UNC13B: variants seen among roughly 807,000 people sequenced by gnomAD.
The protein encoded by UNC13B is protein unc-13 homolog B.
Under a neutral mutation model 211.0 loss-of-function variants are expected in UNC13B, and 144 were observed. The ratio of observed to expected loss-of-function variants is 0.68; its 90% CI spans 0.60 to 0.78. The LOEUF (loss-of-function observed/expected upper bound fraction) is 0.78, where lower values mean the gene tolerates loss of function less well. UNC13B is among the 30% of genes least tolerant of loss of function. UNC13B has a pLI of 0.00. For missense variants in UNC13B, 1,777 were observed against 2,002.0 expected, an observed-to-expected ratio of 0.89 and a Z score of 2.14; for synonymous variants, 709 against 725.8, an observed-to-expected ratio of 0.98 and a Z score of 0.37.
At chr9:35,200,799 C>T (rs528704333) in intron 1 of UNC13B, among the ~76,000 whole-genome samples, 1 of 152,276 alleles carries the variant, frequency 6.6e-6, no homozygotes, top group African/African-American at 2.4e-5. Flanking sequence ...AATTTGACAT[C>T]CTCTTTTCCT....
chr9:35,306,804 C>A lies in UNC13B; in HGVS notation c.7400C>A (p.Ser2467Tyr), dbSNP rs1436000414. The A allele has an allele frequency of 2.5e-6, 1 of 398,918 alleles. No individual in the cohort carries two copies. Among genetic ancestry groups the A allele is most frequent in the East Asian group, 3.6e-5 (1 of 28,092 alleles). The allele number at this position is 398,918 out of a possible 1,614,324, so 24.7% of individuals were successfully genotyped here. A position where few individuals can be genotyped will look rare whatever the true frequency, so the allele number is the denominator to read the frequency against. The change falls in exon 9 of 40, where the codon TCT becomes TAT. Residue 2467 changes from serine (S) to tyrosine (Y), a missense_variant. Transcript: ENST00000635942. ...TCAGGGTTTGTGACCAAAGTGAAAT[C>A]TTTCTCTGGGAGCTTAATTGAACCT... Reference protein sequence around the residue: ...MLSGFVTKVKSFSGSLIEPPK... With the variant: ...MLSGFVTKVKYFSGSLIEPPK...
At chr9:35,232,806 G>A (rs1020316845) in intron 3 of UNC13B, among the ~76,000 whole-genome samples, 3 of 152,280 alleles carry the variant, frequency 2.0e-5, no homozygotes, top group East Asian at 1.9e-4. Flanking sequence ...TGAAGCCATA[G>A]GTGAAGATGA....
At chr9:35,386,429 A>G in intron 24 of UNC13B, 136 bp downstream of exon 24, 2 of 1,226,890 alleles carry the variant, frequency 1.6e-6, no homozygotes, top group Non-Finnish European at 1.1e-6. Context: ...GTGGAGTATG[A>G]ACCATGTGGA....
At chr9:35,267,818 T>C (rs1198760491) in intron 7 of UNC13B, among the ~76,000 whole-genome samples, 1 of 152,210 alleles carries the variant, frequency 6.6e-6, no homozygotes, top group African/African-American at 2.4e-5. Context: ...TATTGACTAC[T>C]ACCAAAAGAT....
chr9:35,302,433 C>CA lies in UNC13B; in HGVS notation c.3032dup (p.Asn1011LysfsTer5). 1 of 398,536 alleles carries CA rather than the reference C, an allele frequency of 2.5e-6. No homozygotes were observed. Among genetic ancestry groups the CA allele is most frequent in the Non-Finnish European group, 4.4e-6 (1 of 225,786 alleles). 24.7% of individuals were successfully genotyped at this position (398,536 alleles called of 1,614,324 possible). On this transcript the variant is annotated frameshift_variant, in exon 9 of 40. Transcript: ENST00000635942. LOFTEE classifies it high-confidence loss of function. Reference sequence around the variant, plus strand: ...AGTTCAATAAAATCTGGTTCAGCTCCAAATACTCAGGATAATCTAGGGAAA... The same window carrying CA: ...AGTTCAATAAAATCTGGTTCAGCTCCAAAATACTCAGGATAATCTAGGGAAA...
At chr9:35,352,495 A>G in intron 11 of UNC13B, 3 of 1,232,106 alleles carry the variant, frequency 2.4e-6, no homozygotes, top group Non-Finnish European at 2.0e-6. Context: ...CATTTTTTCA[A>G]CAACAACATC....
intron 36 of UNC13B, 120 bp from the exon 37 acceptor site, chr9:35,400,176 C>T: frequency 7.2e-7 from 1 of 1,395,584 alleles, no homozygotes; most frequent in Non-Finnish European, 9.8e-7. Context: ...TGCTCTGGTT[C>T]TGTGGGTGTT....
intron 7 of UNC13B, among the ~76,000 whole-genome samples, chr9:35,266,464 G>A (rs1034035428): frequency 1.1e-4 from 16 of 152,224 alleles, no homozygotes; most frequent in African/African-American, 3.6e-4. Flanking sequence ...ACTTTGGGAG[G>A]CCAAGGCAGG....
chr9:35,246,129 G>T (rs1826084077), intron 6 of UNC13B, among the ~76,000 whole-genome samples: 1 of 152,022 alleles, frequency 6.6e-6, no homozygotes, highest in Non-Finnish European at 1.5e-5. Context: ...TCATGTGTCT[G>T]TTGGCTGCAT....
intron 7 of UNC13B, among the ~76,000 whole-genome samples, chr9:35,260,722 T>G (rs1404011662): frequency 6.6e-6 from 1 of 152,180 alleles, no homozygotes; most frequent in Admixed American, 6.5e-5. Context: ...TTTAAGGTCA[T>G]AGGAGGTCAG....
intron 3 of UNC13B, among the ~76,000 whole-genome samples, chr9:35,232,948 T>C (rs1442765734): frequency 6.6e-6 from 1 of 152,044 alleles, no homozygotes; most frequent in Admixed American, 6.6e-5. Flanking sequence ...CAGGAGATAA[T>C]GGTGTCTTGG....
At position 35,403,766 on chromosome 9, in the gene UNC13B, G is replaced by C; in HGVS notation, c.12756G>C (p.Glu4252Asp). ...ETFHFLLGNE[E>D]GPESYELQIC... is the part of the protein sequence containing the mutation. ...CTCACAGCCTCCTGGGAAATGAGGA[G>C]GGGCCCGAGTCCTATGAGTTGCAGA... Residue 4252 changes from glutamate (E) to aspartate (D), a missense_variant, in exon 40 of 40, where the codon GAG becomes GAC. Glu to Asp is a conservative substitution (Grantham distance 45). Transcript: ENST00000635942. 1 of 1,614,130 alleles carries C rather than the reference G, an allele frequency of 6.2e-7. No homozygotes were observed. The highest frequency in any genetic ancestry group is 8.5e-7 in the Non-Finnish European group (1 of 1,180,016).
At chr9:35,221,672 A>AT (rs1163671738) in intron 1 of UNC13B, among the ~76,000 whole-genome samples, 2 of 151,884 alleles carry the variant, frequency 1.3e-5, no homozygotes, top group South Asian at 2.1e-4. Context: ...TTGTTTGTAC[A>AT]TTTTTTTTCT....
intron 1 of UNC13B, among the ~76,000 whole-genome samples, chr9:35,165,668 C>T (rs1024081227): frequency 8.6e-5 from 13 of 151,986 alleles, no homozygotes; most frequent in African/African-American, 1.2e-4. Context: ...CTGCCCACCT[C>T]GGCCTCCCAA....
intron 1 of UNC13B, among the ~76,000 whole-genome samples, chr9:35,173,425 C>CTTT (rs11306638): frequency 4.2e-5 from 6 of 142,530 alleles, no homozygotes; most frequent in East Asian, 4.1e-4. Flanking sequence ...CATAATCTAT[C>CTTT]TTTTTTTTTT....
intron 7 of UNC13B, among the ~76,000 whole-genome samples, chr9:35,272,804 G>T (rs904576815): frequency 6.6e-6 from 1 of 152,072 alleles, no homozygotes; most frequent in Non-Finnish European, 1.5e-5. Context: ...AAAATTCCAC[G>T]TAGCTTTTAG....
At chr9:35,293,799 T>TAG (rs1829213863) in intron 7 of UNC13B, among the ~76,000 whole-genome samples, 2 of 152,212 alleles carry the variant, frequency 1.3e-5, no homozygotes, top group Non-Finnish European at 2.9e-5. Context: ...CCTGCCCTGG[T>TAG]CAGTGGACTA....
intron 1 of UNC13B, among the ~76,000 whole-genome samples, chr9:35,184,208 C>T (rs528297805): frequency 2.7e-5 from 4 of 150,484 alleles, no homozygotes; most frequent in African/African-American, 9.8e-5. Flanking sequence ...CGGGCAGAGG[C>T]GCTCCTCACT....
intron 1 of UNC13B, among the ~76,000 whole-genome samples, chr9:35,178,477 C>T: frequency 6.6e-6 from 1 of 150,672 alleles, no homozygotes; most frequent in Non-Finnish European, 1.5e-5. Flanking sequence ...GTCTGGAGGA[C>T]AGAGTGAGAC....
Sources: gnomAD v4.1 joint callset for allele counts (sites outside exome capture counted in the v4.1 genomes callset) on GRCh38, gnomAD v4.1.1 for gene constraint, MANE v1.5 for transcripts, NCBI Gene and HGNC (gene_info 2026-07-23, HGNC 2026-07-21) for gene names.